Variants in NAV2 observed in about 807,000 individuals in gnomAD.
NAV2 encodes neuron navigator 2.
NAV2 carries 54 observed loss-of-function variants against 223.2 expected under a neutral mutation model. That is an observed-to-expected ratio of 0.24 (90% confidence interval 0.19 to 0.30). The LOEUF (loss-of-function observed/expected upper bound fraction) is 0.30, where lower values mean the gene tolerates loss of function less well. NAV2 is among the 10% of genes least tolerant of loss of function. The pLI is 1.00. For synonymous variants in NAV2, 1,279 were observed against 1,239.3 expected, an observed-to-expected ratio of 1.03 and a Z score of -0.67; for missense variants, 2,806 against 3,147.5, an observed-to-expected ratio of 0.89 and a Z score of 2.60.
At chr11:19,416,013 C>A (rs4255518) in intron 1 of NAV2, among the ~76,000 whole-genome samples, 132,004 of 152,180 alleles carry the variant, frequency 0.87, 57,917 homozygotes, top group East Asian at 0.94. Context: ...AAGCTGGGAG[C>A]ATTCCCTTCG....
intron 11 of NAV2, 135 bp from the exon 12 acceptor site, chr11:20,035,824 G>C: frequency 3.1e-6 from 3 of 961,730 alleles, no homozygotes; most frequent in Non-Finnish European, 4.6e-6. Context: ...TCACATCTGA[G>C]TCAAGAGAGC....
intron 1 of NAV2, among the ~76,000 whole-genome samples, chr11:19,813,748 A>G (rs2058955262): frequency 6.6e-6 from 1 of 152,188 alleles, no homozygotes; most frequent in African/African-American, 2.4e-5. Context: ...TGGGACGTTG[A>G]CTGCTGAGGA....
At chr11:19,485,556 T>C (rs533684282) in intron 1 of NAV2, among the ~76,000 whole-genome samples, 2 of 152,110 alleles carry the variant, frequency 1.3e-5, no homozygotes, top group African/African-American at 4.8e-5. Context: ...TGGGGAGACA[T>C]AGTCTCCAGA....
rs370182179 is a variant in NAV2, at chr11:19,879,855, T to C, written c.512-14T>C. 1 of 1,613,954 alleles carries C rather than the reference T, an allele frequency of 6.2e-7. No individual in the cohort carries two copies. The highest frequency in any genetic ancestry group is 1.3e-5 in the African/African-American group (1 of 75,032). ...AGCTCCCCATCTGACAAGAGTCTCT[T>C]TATTGTCTTGCAGAGATCAGGAATG... On this transcript the variant is annotated splice_polypyrimidine_tract_variant and intron_variant, in intron 4 of 37. Coordinates refer to ENST00000349880, the MANE Select transcript of NAV2 (RefSeq NM_145117.5).
chr11:19,456,774 C>T (rs996596745), intron 1 of NAV2, among the ~76,000 whole-genome samples: 6 of 152,216 alleles, frequency 3.9e-5, no homozygotes, highest in African/African-American at 1.4e-4. Context: ...CTCTCTACCC[C>T]ATTCTCGCTC....
chr11:19,405,397 C>A (rs1849853678), intron 1 of NAV2, among the ~76,000 whole-genome samples: 1 of 152,210 alleles, frequency 6.6e-6, no homozygotes, highest in Non-Finnish European at 1.5e-5. Flanking sequence ...CTCGTCTTCC[C>A]CTTCATGATA....
At chr11:19,623,188 GC>G (rs1308793299) in intron 1 of NAV2, among the ~76,000 whole-genome samples, 4 of 152,124 alleles carry the variant, frequency 2.6e-5, no homozygotes, top group Non-Finnish European at 5.9e-5. Context: ...CTTTCTGGCT[GC>G]CCTTAACATT....
At chr11:19,458,998 T>C (rs941105665) in intron 1 of NAV2, among the ~76,000 whole-genome samples, 3 of 152,198 alleles carry the variant, frequency 2.0e-5, no homozygotes, top group African/African-American at 7.2e-5. Flanking sequence ...GATGTGGTGC[T>C]TGGGGCTGGG....
chr11:19,953,259 C>A (rs2047545214), intron 10 of NAV2, among the ~76,000 whole-genome samples: 1 of 152,144 alleles, frequency 6.6e-6, no homozygotes, highest in South Asian at 2.1e-4. Context: ...CCTCTCAGAA[C>A]CTTTGATGGC....
At chr11:19,503,923 C>A (rs983533252) in intron 1 of NAV2, 1 of 152,078 alleles carries the variant, frequency 6.6e-6, no homozygotes, top group East Asian at 1.9e-4. Context: ...ACAATCTGAT[C>A]GAGGATTGTT....
chr11:19,697,700 T>C (rs531141157), intron 1 of NAV2, among the ~76,000 whole-genome samples: 1 of 152,226 alleles, frequency 6.6e-6, no homozygotes, highest in East Asian at 1.9e-4. Flanking sequence ...CTGTAACAAC[T>C]AGACTGTGAA....
intron 29 of NAV2, among the ~76,000 whole-genome samples, chr11:20,094,376 C>T (rs901587138): frequency 6.6e-6 from 1 of 151,928 alleles, no homozygotes; most frequent in Non-Finnish European, 1.5e-5. Flanking sequence ...ACTATAGGTA[C>T]CTGCCACCAT....
intron 6 of NAV2, among the ~76,000 whole-genome samples, chr11:19,920,454 AT>A (rs1292494512): frequency 2.0e-5 from 3 of 151,918 alleles, no homozygotes; most frequent in African/African-American, 7.3e-5. Context: ...CGCCCAGCTA[AT>A]TTTTTGTATT....
At chr11:19,838,761 T>C (rs1212761716) in intron 2 of NAV2, among the ~76,000 whole-genome samples, 2 of 152,150 alleles carry the variant, frequency 1.3e-5, no homozygotes, top group Non-Finnish European at 2.9e-5. Context: ...GTAGCTGCGA[T>C]TGTAGGCATA....
intron 6 of NAV2, among the ~76,000 whole-genome samples, chr11:19,932,867 C>A (rs1031496528): frequency 2.6e-5 from 4 of 152,168 alleles, no homozygotes; most frequent in Non-Finnish European, 5.9e-5. Context: ...GTATTTCCTA[C>A]TCTCTCCTGC....
intron 7 of NAV2, among the ~76,000 whole-genome samples, chr11:19,937,354 C>CT (rs1407530557): frequency 6.7e-6 from 1 of 149,562 alleles, no homozygotes; most frequent in Non-Finnish European, 1.5e-5. Context: ...TAATTGCTCC[C>CT]CCCCCGCCCA....
chr11:19,855,100 C>A (rs1023971811), intron 3 of NAV2, among the ~76,000 whole-genome samples: 1 of 151,984 alleles, frequency 6.6e-6, no homozygotes, highest in Non-Finnish European at 1.5e-5. Flanking sequence ...TCCATTTCCC[C>A]ATCTGAAAAA....
chr11:19,402,104 G>T (rs1246022517), intron 1 of NAV2: 1 of 152,108 alleles, frequency 6.6e-6, no homozygotes, highest in African/African-American at 2.4e-5. Context: ...GTCCAAAGGG[G>T]TAGTGGCCCA....
At chr11:19,894,973 G>A (rs1036028947) in intron 6 of NAV2, among the ~76,000 whole-genome samples, 3 of 150,976 alleles carry the variant, frequency 2.0e-5, no homozygotes, top group African/African-American at 7.3e-5. Context: ...CAGTTGATCC[G>A]CCCGCCTCTG....
Sources: gnomAD v4.1 joint callset for allele counts (sites outside exome capture counted in the v4.1 genomes callset) on GRCh38, gnomAD v4.1.1 for gene constraint, MANE v1.5 for transcripts, NCBI Gene and HGNC (gene_info 2026-07-23, HGNC 2026-07-21) for gene names.